SLC35F3: variants seen among roughly 807,000 people sequenced by gnomAD.
The protein encoded by SLC35F3 is solute carrier family 35 member F3, also known as putative thiamine transporter SLC35F3.
SLC35F3 carries 25 observed loss-of-function variants against 49.9 expected under a neutral mutation model. That is an observed-to-expected ratio of 0.50 (90% CI 0.37 to 0.70). SLC35F3 has a LOEUF of 0.70. SLC35F3 is among the 30% of genes least tolerant of loss of function. SLC35F3 has a pLI of 0.00. For missense variants in SLC35F3, 525 were observed against 639.8 expected, an observed-to-expected ratio of 0.82 and a Z score of 1.94; for synonymous variants, 275 against 265.4, an observed-to-expected ratio of 1.04 and a Z score of -0.35.
chr1:233,986,173 C>T (rs1192854338), intron 2 of SLC35F3, among the ~76,000 whole-genome samples: 1 of 152,152 alleles, frequency 6.6e-6, no homozygotes, highest in Admixed American at 6.5e-5. Context: ...AGCTATTACT[C>T]TTACATTCTG....
chr1:234,178,198 T>A (rs938000517), intron 2 of SLC35F3, among the ~76,000 whole-genome samples: 2 of 152,134 alleles, frequency 1.3e-5, no homozygotes, highest in Non-Finnish European at 2.9e-5. Flanking sequence ...AGTGGGCCCA[T>A]CACCCCACTA....
At chr1:233,978,777 C>A (rs932870176) in intron 2 of SLC35F3, among the ~76,000 whole-genome samples, 2 of 70,012 alleles carry the variant, frequency 2.9e-5, no homozygotes, top group Non-Finnish European at 1.1e-4. Context: ...CGCCTGTAAT[C>A]CCAGCACTTT....
chr1:233,991,865 A>G (rs1412983094), intron 2 of SLC35F3, among the ~76,000 whole-genome samples: 3 of 152,190 alleles, frequency 2.0e-5, no homozygotes, highest in Non-Finnish European at 4.4e-5. Flanking sequence ...TGCATATTAC[A>G]TATTTTTATG....
chr1:234,015,183 T>C (rs886752813), intron 2 of SLC35F3, among the ~76,000 whole-genome samples: 1 of 151,938 alleles, frequency 6.6e-6, no homozygotes, highest in African/African-American at 2.4e-5. Flanking sequence ...CTGTCTCTAC[T>C]AAAAATACAA....
intron 2 of SLC35F3, among the ~76,000 whole-genome samples, chr1:234,200,631 C>T (rs1179458107): frequency 2.0e-5 from 3 of 151,310 alleles, no homozygotes; most frequent in South Asian, 4.2e-4. Context: ...ATTTTTTTTT[C>T]CTAAAGGCAC....
rs547909889 is a variant in SLC35F3 at position 234,135,514 on chromosome 1, C to T, written c.284-95903C>T. On this transcript the variant is annotated intron_variant, in intron 2 of 7. Coordinates refer to ENST00000366618, the MANE Select transcript of SLC35F3 (RefSeq NM_173508.4). ...GCAAGAAGGACTCACAAGGACCCAG[C>T]ATATATGGTCATACTCAGGGCTCAG... is the stretch of plus-strand genomic sequence containing the variant. Among the ~76,000 whole-genome samples, 18 of 152,274 alleles carry T rather than the reference C, an allele frequency of 1.2e-4. No homozygotes were observed. In the South Asian group the frequency reaches 3.7e-3, roughly 32 times the overall value.
chr1:234,066,557 T>C (rs1333125502), intron 2 of SLC35F3, among the ~76,000 whole-genome samples: 2 of 152,056 alleles, frequency 1.3e-5, no homozygotes, highest in African/African-American at 4.8e-5. Context: ...TTCTTACCTA[T>C]GGAAATAGGG....
rs530569096 is a variant in SLC35F3 at position 234,144,896 on chromosome 1, C to T, written c.284-86521C>T. 1.1e-4 allele frequency among the ~76,000 whole-genome samples: 16 copies of T among 152,234 alleles called. No homozygotes were observed. The South Asian group carries it at 2.9e-3, about 28-fold the overall frequency. The stretch of plus-strand genomic sequence containing the variant: ...TGGTCAGCCAAGAGGACAAGGAATA[C>T]GTGGTGTGGGAGCAGGGAGAGGAGT... On this transcript the variant is annotated intron_variant, in intron 2 of 7. Transcript: ENST00000366618.
At chr1:234,097,039 G>A (rs1052827740) in intron 2 of SLC35F3, among the ~76,000 whole-genome samples, 2 of 151,972 alleles carry the variant, frequency 1.3e-5, no homozygotes, top group Non-Finnish European at 2.9e-5. Flanking sequence ...ATGAGCATGC[G>A]CCACCAGGCA....
At chr1:234,091,103 A>G (rs1406342261) in intron 2 of SLC35F3, among the ~76,000 whole-genome samples, 2 of 152,216 alleles carry the variant, frequency 1.3e-5, no homozygotes, top group African/African-American at 4.8e-5. Flanking sequence ...TAAAAGATAC[A>G]CCCAATACAA....
At chr1:234,312,383 T>C (rs949648918) in intron 4 of SLC35F3, among the ~76,000 whole-genome samples, 1 of 152,214 alleles carries the variant, frequency 6.6e-6, no homozygotes, top group Non-Finnish European at 1.5e-5. Context: ...ATCATGGACC[T>C]TTTTCCAAGA....
At chr1:234,110,777 A>G (rs1177563359) in intron 2 of SLC35F3, among the ~76,000 whole-genome samples, 2 of 152,226 alleles carry the variant, frequency 1.3e-5, no homozygotes, top group Admixed American at 6.5e-5. Context: ...CTCAGACACA[A>G]TAATTCACTT....
At chr1:234,163,621 A>G (rs1331457665) in intron 2 of SLC35F3, among the ~76,000 whole-genome samples, 2 of 152,242 alleles carry the variant, frequency 1.3e-5, no homozygotes, top group East Asian at 3.8e-4. Context: ...TCCATTTGAT[A>G]TGAAACACTT....
intron 2 of SLC35F3, among the ~76,000 whole-genome samples, chr1:234,097,539 TAC>T (rs1319508092): frequency 1.3e-5 from 2 of 151,926 alleles, no homozygotes; most frequent in Non-Finnish European, 2.9e-5. Context: ...TACACACACA[TAC>T]ACGCACACAC....
chr1:234,044,933 A>T lies in SLC35F3; in HGVS notation c.283+139175A>T, dbSNP rs112140642. ...TCTGGAGGCCAACCGGTTGAGTTCAAATCCTGATTTGCAATTCTTTATATA... is the reference window on the plus strand; with the variant it reads ...TCTGGAGGCCAACCGGTTGAGTTCATATCCTGATTTGCAATTCTTTATATA... On this transcript the variant is annotated intron_variant, in intron 2 of 7. Coordinates refer to ENST00000366618, the MANE Select transcript of SLC35F3 (RefSeq NM_173508.4). 1.7e-3 allele frequency among the ~76,000 whole-genome samples: 257 copies of T among 152,294 alleles called. 1 individual carries two copies. The highest frequency in any genetic ancestry group is 6.8e-3 in the Middle Eastern group (2 of 294).
chr1:234,104,988 C>T (rs966884496), intron 2 of SLC35F3, among the ~76,000 whole-genome samples: 4 of 152,082 alleles, frequency 2.6e-5, no homozygotes, highest in Admixed American at 6.5e-5. Flanking sequence ...ATTAGCTGGG[C>T]GTGGTGGCGG....
At chr1:234,240,297 C>A (rs1202520789) in intron 3 of SLC35F3, among the ~76,000 whole-genome samples, 2 of 151,678 alleles carry the variant, frequency 1.3e-5, no homozygotes, top group African/African-American at 2.4e-5. Flanking sequence ...TGACGAAACC[C>A]CGTCTCTACT....
At chr1:234,209,826 G>T (rs567265032) in intron 2 of SLC35F3, among the ~76,000 whole-genome samples, 2 of 152,030 alleles carry the variant, frequency 1.3e-5, no homozygotes, top group African/African-American at 4.8e-5. Flanking sequence ...AAACTCCTGG[G>T]GTAAGCTGCA....
At chr1:234,292,696 G>A (rs1260758453) in intron 3 of SLC35F3, among the ~76,000 whole-genome samples, 1 of 152,180 alleles carries the variant, frequency 6.6e-6, no homozygotes, top group East Asian at 1.9e-4. Context: ...TCGGTGAGAA[G>A]CTTTGCTGCT....
Sources: allele counts gnomAD v4.1 joint callset (sites outside exome capture counted in the v4.1 genomes callset), GRCh38; gene constraint gnomAD v4.1.1; transcripts MANE v1.5; gene names NCBI Gene and HGNC (gene_info 2026-07-23, HGNC 2026-07-21).